The following WSCD1 variants were observed in gnomAD, a reference collection of about 807,000 sequenced individuals.
WSCD1 encodes sialate:O-sulfotransferase 1.
In WSCD1, 41 loss-of-function variants were observed where a neutral mutation model predicts 60.4. The observed-to-expected ratio is 0.68, with a 90% CI of 0.53 to 0.88. The LOEUF is 0.88. WSCD1 is among the 40% of genes least tolerant of loss of function. WSCD1 has a pLI of 0.00. For synonymous variants in WSCD1, 361 were observed against 332.5 expected (o/e 1.09, Z -0.93); for missense variants, 784 against 796.2 (o/e 0.98, Z 0.18).
Position 6,080,704 on chromosome 17 carries a change from C to G in WSCD1, c.46C>G (p.Gln16Glu). The G allele has an allele frequency of 6.2e-7, 1 of 1,613,666 alleles. No homozygotes were observed. The highest frequency in any genetic ancestry group is 1.7e-5 in the Admixed American group (1 of 60,016). The change falls in exon 2 of 9, where the codon CAG becomes GAG. Residue 16 changes from glutamine to glutamate, a missense_variant. Coordinates refer to ENST00000317744, the MANE Select transcript of WSCD1 (RefSeq NM_015253.2). The surrounding 1 kb of genome is among the most constrained non-coding windows in gnomAD (Gnocchi z 6.6). ...FRLQKFLRRT[Q>E]FLLFFLTAAY... Reference sequence around the variant, plus strand: ...ACTCCAGAAGTTTCTCCGCCGAACACAGTTCCTGCTGTTCTTCCTCACGGC... The same window carrying G: ...ACTCCAGAAGTTTCTCCGCCGAACAGAGTTCCTGCTGTTCTTCCTCACGGC...
intron 1 of WSCD1, among the ~76,000 whole-genome samples, chr17:6,076,956 A>G (rs954943574): frequency 1.3e-5 from 2 of 152,098 alleles, no homozygotes; most frequent in African/African-American, 4.8e-5. Flanking sequence ...GGGAACATGG[A>G]GATAAACGAG....
At chr17:6,092,025 G>T (rs1052511114) in intron 4 of WSCD1, among the ~76,000 whole-genome samples, 1 of 152,062 alleles carries the variant, frequency 6.6e-6, no homozygotes, top group Admixed American at 6.6e-5. Flanking sequence ...GTGGTGGCAG[G>T]TGCCTGTAAT....
Position 6,080,802 on chromosome 17 carries a change from AC to A in WSCD1, c.147del (p.Gly50AlafsTer43), listed in dbSNP as rs1567549758. ...TGGCTCTCCCACAGGGCCCCCGGGC[AC>A]CCGGCCCCCTGCAGACCTTGCCAGT... is the stretch of plus-strand genomic sequence containing the variant. ...RVALPQGPRAPGPLQTLPVAA... is the reference protein window; with the variant it reads ...RVALPQGPRAXGPLQTLPVAA... On this transcript the variant is annotated frameshift_variant, in exon 2 of 9. Coordinates refer to ENST00000317744, the MANE Select transcript of WSCD1 (RefSeq NM_015253.2). LOFTEE classifies it high-confidence loss of function. This position sits in a 1 kb window ranked among gnomAD's most constrained non-coding sequence, Gnocchi z 6.6. 1 of 1,609,632 alleles carries A rather than the reference AC, an allele frequency of 6.2e-7. No individual in the cohort carries two copies. The highest frequency in any genetic ancestry group is 2.2e-5 in the East Asian group (1 of 44,756).
At chr17:6,082,917 C>A (rs1003159427) in intron 2 of WSCD1, among the ~76,000 whole-genome samples, 1 of 152,112 alleles carries the variant, frequency 6.6e-6, no homozygotes, top group African/African-American at 2.4e-5. Flanking sequence ...GTAGCTCAGT[C>A]AAATAAAGAC....
Position 6,080,882 on chromosome 17 carries a change from C to G in WSCD1, c.224C>G (p.Pro75Arg). ...GLLDSRALHDPRVSPELLLGV... is the reference protein window; with the variant it reads ...GLLDSRALHDRRVSPELLLGV... ...CTGGACAGCAGAGCCCTGCACGACC[C>G]TCGAGTCAGCCCAGAGCTGCTGCTG... Residue 75 changes from proline to arginine, a missense_variant, in exon 2 of 9, where the codon CCT (proline) becomes CGT (arginine). Pro to Arg is a moderately radical substitution (Grantham distance 103). Transcript: ENST00000317744. This position sits in a 1 kb window ranked among gnomAD's most constrained non-coding sequence, Gnocchi z 6.6. 6.2e-7 allele frequency: 1 copy of G among 1,602,872 alleles called. No homozygotes were observed.
rs1033678596 is a variant in WSCD1 at position 6,075,024 on chromosome 17, C to T, written c.-289+4372C>T. Among the ~76,000 whole-genome samples the T allele has an allele frequency of 7.2e-5, 11 of 152,190 alleles. No individual in the cohort carries two copies. Among genetic ancestry groups the T allele is most frequent in the South Asian group, 2.1e-4 (1 of 4,814 alleles). Reference sequence around the variant, plus strand: ...TGGAGGCTCCTGCATGTACTCTGCCCGGGTCCTGAAGCTGAGACCCCCTGG... The same window carrying T: ...TGGAGGCTCCTGCATGTACTCTGCCTGGGTCCTGAAGCTGAGACCCCCTGG... On this transcript the variant is annotated intron_variant, in intron 1 of 8. Coordinates refer to ENST00000317744, the MANE Select transcript of WSCD1 (RefSeq NM_015253.2). This position sits in a 1 kb window ranked among gnomAD's most constrained non-coding sequence, Gnocchi z 4.1.
At chr17:6,112,123 A>G (rs1911446522) in intron 7 of WSCD1, among the ~76,000 whole-genome samples, 1 of 152,230 alleles carries the variant, frequency 6.6e-6, no homozygotes, top group Non-Finnish European at 1.5e-5. Context: ...TCAAAATAGT[A>G]GAAAGATTTT....
intron 7 of WSCD1, among the ~76,000 whole-genome samples, chr17:6,114,407 A>G (rs568559945): frequency 1.3e-5 from 2 of 152,158 alleles, no homozygotes; most frequent in East Asian, 3.9e-4. Context: ...ACAGCTAGAT[A>G]TGAGGAATAA....
chr17:6,116,715 C>T (rs906044658), intron 7 of WSCD1, among the ~76,000 whole-genome samples: 3 of 152,192 alleles, frequency 2.0e-5, no homozygotes, highest in African/African-American at 7.2e-5. Flanking sequence ...GTGGGTAAAC[C>T]CGGACTTCCA....
chr17:6,078,563 TGTGTGTGTGTGTGTGTGC>T lies in WSCD1; in HGVS notation c.-288-1798_-288-1781del, dbSNP rs1909016733. Among the ~76,000 whole-genome samples the T allele has an allele frequency of 2.8e-5, 4 of 144,078 alleles. No homozygotes were observed. In the South Asian group the frequency reaches 8.9e-4, roughly 32 times the overall value. 94.5% of individuals were successfully genotyped at this position (144,078 alleles called of 152,430 possible). ...GGTGGCTCTGCTGGAATGTGGAGGG[TGTGTGTGTGTGTGTGTGC>T]GTGTGTGTGCGTGCATGCATGCGTG... On this transcript the variant is annotated intron_variant, in intron 1 of 8. Transcript: ENST00000317744.
chr17:6,081,228 G>A (rs941285899), intron 2 of WSCD1, 143 bp downstream of exon 2: 2 of 1,053,476 alleles, frequency 1.9e-6, no homozygotes, highest in Non-Finnish European at 2.6e-6. Flanking sequence ...ACAGGAAGGG[G>A]CCTGCGATGC....
At chr17:6,085,519 C>T (rs938232799) in intron 2 of WSCD1, among the ~76,000 whole-genome samples, 18 of 152,128 alleles carry the variant, frequency 1.2e-4, no homozygotes, top group African/African-American at 4.1e-4. Context: ...GGCAGCTGCA[C>T]ATCCCAGCTT....
In WSCD1 at chr17:6,087,982, T is replaced by G; in HGVS notation, c.428-8T>G. 2 of 1,609,394 alleles carry G rather than the reference T, an allele frequency of 1.2e-6. No individual in the cohort carries two copies. The highest frequency in any genetic ancestry group is 1.7e-6 in the Non-Finnish European group (2 of 1,175,792). ...CCTCTGGTATTAGCCATGCTTCCCT[T>G]TCTGCAGGCACCTACATTGGATGCT... On this transcript the variant is annotated splice_polypyrimidine_tract_variant and splice_region_variant and intron_variant, in intron 2 of 8. Coordinates refer to ENST00000317744, the MANE Select transcript of WSCD1 (RefSeq NM_015253.2).
At chr17:6,087,539 C>T (rs1909735924) in intron 2 of WSCD1, among the ~76,000 whole-genome samples, 2 of 152,226 alleles carry the variant, frequency 1.3e-5, no homozygotes, top group African/African-American at 4.8e-5. Flanking sequence ...ATCAAACTTG[C>T]CCTAACTGAT....
chr17:6,118,025 C>A lies in WSCD1; in HGVS notation c.1212C>A (p.Arg404=). 6.2e-7 allele frequency: 1 copy of A among 1,614,148 alleles called. No individual in the cohort carries two copies. The highest frequency in any genetic ancestry group is 8.5e-7 in the Non-Finnish European group (1 of 1,180,040). ...KGEKDHWRSR[R]TICVKTHESG... is the part of the protein sequence containing the mutation. ...AAAAGGACCACTGGCGGAGCCGACG[C>A]ACCATCTGTGTCAAAACCCACGAGA... The change falls in exon 8 of 9, where the codon CGC becomes CGA. Residue 404 remains arginine, a synonymous_variant. Coordinates refer to ENST00000317744, the MANE Select transcript of WSCD1 (RefSeq NM_015253.2). This position sits in a 1 kb window ranked among gnomAD's most constrained non-coding sequence, Gnocchi z 5.8.
At position 6,095,352 on chromosome 17, in the gene WSCD1, A is replaced by G. The variant is rs368074083; in HGVS notation, c.849+129A>G. On this transcript the variant is annotated intron_variant, in intron 5 of 8. Coordinates refer to ENST00000317744, the MANE Select transcript of WSCD1 (RefSeq NM_015253.2). ...CCAGATGGGAGCAGAGGAAGGGGGC[A>G]TGGATGGGAGGCAGGCACCAGGTAC... 2.0e-5 allele frequency: 26 copies of G among 1,290,794 alleles called. No homozygotes were observed. The Middle Eastern group carries it at 2.2e-3, about 110-fold the overall frequency. 80.0% of individuals were successfully genotyped at this position (1,290,794 alleles called of 1,614,324 possible).
Position 6,109,685 on chromosome 17 carries a change from A to C in WSCD1, c.928A>C (p.Met310Leu). The change falls in exon 6 of 9, where the codon ATG becomes CTG. Residue 310 changes from methionine (M) to leucine (L), a missense_variant. By Grantham distance (15) the Met-to-Leu change is conservative. Coordinates refer to ENST00000317744, the MANE Select transcript of WSCD1 (RefSeq NM_015253.2). ...CCCCCGGTTCAACCTGCGGGATGCC[A>C]TGGACAGCTCAGTATGTGGCCAGGA... Reference protein sequence around the residue: ...PTPRFNLRDAMDSSVCGQDPE... With the variant: ...PTPRFNLRDALDSSVCGQDPE... The C allele has an allele frequency of 6.2e-7, 1 of 1,614,142 alleles. No individual in the cohort carries two copies. The highest frequency in any genetic ancestry group is 8.5e-7 in the Non-Finnish European group (1 of 1,180,016).
At chr17:6,090,567 C>A in intron 4 of WSCD1, 62 bp downstream of exon 4, 2 of 1,569,822 alleles carry the variant, frequency 1.3e-6, no homozygotes, top group East Asian at 2.3e-5. Context: ...GGCTGCCCAT[C>A]CCCCACAACC....
intron 5 of WSCD1, among the ~76,000 whole-genome samples, chr17:6,099,056 G>A (rs909870032): frequency 1.9e-5 from 2 of 104,398 alleles, no homozygotes; most frequent in South Asian, 4.0e-4. Context: ...GTGGCCCAGC[G>A]TGCAGGGTTA....
Sources: gnomAD v4.1 joint callset for allele counts (sites outside exome capture counted in the v4.1 genomes callset) on GRCh38, gnomAD v4.1.1 for gene constraint, Gnocchi (gnomAD v3.1) non-coding constraint, MANE v1.5 for transcripts, NCBI Gene and HGNC (gene_info 2026-07-23, HGNC 2026-07-21) for gene names.